The following BBX variants were observed in gnomAD, a reference collection of about 807,000 sequenced individuals.
BBX encodes BBX high mobility group box domain containing, also known as HMG box transcription factor BBX.
A neutral mutation model predicts 100.2 loss-of-function variants in BBX; 30 were observed. That is an observed-to-expected ratio of 0.30 (90% CI 0.22 to 0.41). BBX has a LOEUF of 0.41. Ranked by LOEUF, BBX falls within the 10% of genes least tolerant of loss-of-function variation. The pLI, the probability that BBX is intolerant of heterozygous loss-of-function variation, is 1.00. For synonymous variants in BBX, 376 were observed against 388.1 expected (o/e 0.97, Z 0.37); for missense variants, 1,023 against 1,129.8 (o/e 0.91, Z 1.35).
At chr3:107,555,000 G>A (rs1224995569) in intron 2 of BBX, among the ~76,000 whole-genome samples, 3 of 150,482 alleles carry the variant, frequency 2.0e-5, no homozygotes, top group East Asian at 2.0e-4. Flanking sequence ...CCTGGGAGGC[G>A]GAGGTTGCAA....
At chr3:107,540,475 C>T (rs1000674057) in intron 2 of BBX, among the ~76,000 whole-genome samples, 6 of 152,116 alleles carry the variant, frequency 3.9e-5, no homozygotes, top group African/African-American at 1.4e-4. Context: ...GTAGGAGGCC[C>T]TGAGCCTGCT....
At position 107,716,670 on chromosome 3, in the gene BBX, C is replaced by T. The variant is rs1199872866; in HGVS notation, c.226C>T (p.Pro76Ser). ...DVGETEDDESPEQRARRPMNA... is the reference protein window; with the variant it reads ...DVGETEDDESSEQRARRPMNA... ...TGGTGAAACTGAAGATGATGAATCA[C>T]CAGAGCAGCGAGCCCGGAGACCAAT... The change falls in exon 5 of 18, where the codon CCA (proline) becomes TCA (serine). Residue 76 changes from proline to serine, a missense_variant. Physicochemically the swap from Pro to Ser is moderately conservative, Grantham distance 74 (BLOSUM62 -1). Transcript: ENST00000325805. The T allele has an allele frequency of 6.2e-7, 1 of 1,613,758 alleles. No individual in the cohort carries two copies. The highest frequency in any genetic ancestry group is 1.1e-5 in the South Asian group (1 of 91,076).
intron 12 of BBX, chr3:107,776,181 A>G (rs988048582): frequency 1.6e-4 from 25 of 152,114 alleles, no homozygotes; most frequent in African/African-American, 5.1e-4. Context: ...TTATGTAGGC[A>G]GTGTGAGGTC....
intron 3 of BBX, among the ~76,000 whole-genome samples, chr3:107,688,072 T>C (rs1040630192): frequency 6.6e-6 from 1 of 152,122 alleles, no homozygotes; most frequent in Admixed American, 6.5e-5. Flanking sequence ...AGAAGAAAAA[T>C]ACAAAATGTT....
intron 3 of BBX, among the ~76,000 whole-genome samples, chr3:107,665,598 G>A (rs1472260605): frequency 6.6e-6 from 1 of 152,008 alleles, no homozygotes; most frequent in East Asian, 1.9e-4. Flanking sequence ...TCCTCTCTTT[G>A]TTCTTTAGGG....
At chr3:107,535,133 C>T (rs2048402660) in intron 2 of BBX, among the ~76,000 whole-genome samples, 2 of 152,212 alleles carry the variant, frequency 1.3e-5, no homozygotes, top group African/African-American at 4.8e-5. Flanking sequence ...TGCCTGTCTG[C>T]AGTGCCACAA....
intron 2 of BBX, among the ~76,000 whole-genome samples, chr3:107,572,746 T>C (rs2051465154): frequency 6.6e-6 from 1 of 152,214 alleles, no homozygotes; most frequent in Admixed American, 6.5e-5. Context: ...TATACTGATT[T>C]ACCTCTATTG....
intron 6 of BBX, among the ~76,000 whole-genome samples, chr3:107,729,709 T>G (rs1248834488): frequency 6.6e-6 from 1 of 152,148 alleles, no homozygotes; most frequent in East Asian, 1.9e-4. Flanking sequence ...AAGTTGCAAT[T>G]GAGCTACAGG....
intron 2 of BBX, among the ~76,000 whole-genome samples, chr3:107,558,498 A>T (rs2050244933): frequency 6.6e-6 from 1 of 151,938 alleles, no homozygotes; most frequent in African/African-American, 2.4e-5. Context: ...AAAAACAACA[A>T]AAAACAGGGG....
intron 9 of BBX, 108 bp downstream of exon 9, chr3:107,748,147 A>G (rs2064778345): frequency 1.2e-6 from 1 of 862,460 alleles, no homozygotes; most frequent in Non-Finnish European, 1.8e-6. Flanking sequence ...GCCTGTTGTC[A>G]TTATTAACAT....
intron 3 of BBX, among the ~76,000 whole-genome samples, chr3:107,704,388 C>G (rs1036893100): frequency 6.6e-6 from 1 of 152,322 alleles, no homozygotes; most frequent in South Asian, 2.1e-4. Context: ...CACCTGCACT[C>G]TGAAGGTCAC....
intron 4 of BBX, among the ~76,000 whole-genome samples, chr3:107,712,919 T>G (rs1461251560): frequency 6.6e-6 from 1 of 152,198 alleles, no homozygotes; most frequent in Non-Finnish European, 1.5e-5. Context: ...CTCTTTTCAC[T>G]CACACTCAGT....
At chr3:107,801,569 G>A (rs550948363) in intron 17 of BBX, among the ~76,000 whole-genome samples, 2 of 152,254 alleles carry the variant, frequency 1.3e-5, no homozygotes, top group South Asian at 2.1e-4. Flanking sequence ...ATGAGCTTTG[G>A]AGTCCCATTG....
intron 5 of BBX, among the ~76,000 whole-genome samples, chr3:107,722,717 T>C (rs893697297): frequency 6.6e-6 from 1 of 152,056 alleles, no homozygotes; most frequent in Non-Finnish European, 1.5e-5. Context: ...ACCATAAATT[T>C]AATTCAATTT....
At chr3:107,635,317 T>C (rs1469735427) in intron 2 of BBX, among the ~76,000 whole-genome samples, 4 of 152,216 alleles carry the variant, frequency 2.6e-5, no homozygotes, top group South Asian at 4.1e-4. Flanking sequence ...TTATTTTGTT[T>C]AATTTTTTCT....
chr3:107,579,647 T>G (rs1042617672), intron 2 of BBX, among the ~76,000 whole-genome samples: 5 of 152,228 alleles, frequency 3.3e-5, no homozygotes, highest in African/African-American at 1.2e-4. Context: ...TTTGTGCCTC[T>G]TTTTACATAG....
In BBX at chr3:107,766,528, G is replaced by A. The variant is rs542487612; in HGVS notation, c.907-6100G>A. On this transcript the variant is annotated intron_variant, in intron 10 of 17. Coordinates refer to ENST00000325805, the MANE Select transcript of BBX (RefSeq NM_001142568.3). ...AAACTATGTAATTATTGCTTTTGTC[G>A]CCAAAAAAGCAATAATTTGGTGGGG... Among the ~76,000 whole-genome samples the A allele has an allele frequency of 4.6e-4, 70 of 152,022 alleles. 1 individual carries two copies. Among genetic ancestry groups the A allele is most frequent in the Middle Eastern group, 6.8e-3 (2 of 292 alleles).
intron 2 of BBX, among the ~76,000 whole-genome samples, chr3:107,543,954 A>C (rs923172726): frequency 6.6e-6 from 1 of 152,264 alleles, no homozygotes; most frequent in African/African-American, 2.4e-5. Context: ...TATTGCGACC[A>C]CATACCTTGT....
At chr3:107,541,377 A>G (rs1476306744) in intron 2 of BBX, among the ~76,000 whole-genome samples, 1 of 152,172 alleles carries the variant, frequency 6.6e-6, no homozygotes, top group Non-Finnish European at 1.5e-5. Flanking sequence ...TTGGAGTAGC[A>G]GTGGTGAAGA....
Sources: allele counts gnomAD v4.1 joint callset (sites outside exome capture counted in the v4.1 genomes callset), GRCh38; gene constraint gnomAD v4.1.1; transcripts MANE v1.5; gene names NCBI Gene and HGNC (gene_info 2026-07-23, HGNC 2026-07-21).